Variants in MID1 observed in about 807,000 individuals in gnomAD.
MID1 encodes E3 ubiquitin-protein ligase Midline-1.
A neutral mutation model predicts 40.4 loss-of-function variants in MID1; 7 were observed. The observed-to-expected ratio is 0.17, with a 90% CI of 0.10 to 0.33. MID1 has a LOEUF of 0.33. MID1 is among the 10% of genes least tolerant of loss of function. The pLI, the probability that MID1 is intolerant of heterozygous loss-of-function variation, is 1.00. For missense variants in MID1, 367 were observed against 558.5 expected (o/e 0.66, Z 3.46); for synonymous variants, 229 against 221.2 (o/e 1.04, Z -0.31).
At chrX:10,641,255 A>G (rs1444609497) in intron 1 of MID1, among the ~76,000 whole-genome samples, 1 of 111,962 alleles carries the variant, frequency 8.9e-6, no homozygotes, top group African/African-American at 3.3e-5. Flanking sequence ...AAGATCAACA[A>G]AATTGATAGA....
intron 2 of MID1, 129 bp downstream of exon 2, chrX:10,566,759 C>T (rs1174523046): frequency 2.7e-6 from 2 of 735,219 alleles, no homozygotes; most frequent in East Asian, 6.7e-5. Flanking sequence ...CAAAAACATG[C>T]TAAAACTAAT....
At chrX:10,543,751 G>A (rs944018911) in intron 2 of MID1, among the ~76,000 whole-genome samples, 2 of 111,259 alleles carry the variant, frequency 1.8e-5, no homozygotes, top group Admixed American at 9.6e-5. Context: ...GCTGAAGCAG[G>A]AGAATCACTG....
chrX:10,570,667 T>C (rs112279596), intron 1 of MID1, among the ~76,000 whole-genome samples: 3 of 112,782 alleles, frequency 2.7e-5, no homozygotes, highest in South Asian at 3.7e-4. Context: ...ACTTTTTCTA[T>C]AAAGGGTAAA....
At chrX:10,820,960 A>G (rs934023283) in intron 1 of MID1, among the ~76,000 whole-genome samples, 13 of 112,316 alleles carry the variant, frequency 1.2e-4, no homozygotes, top group Non-Finnish European at 1.9e-5. Flanking sequence ...ATAAGTTATT[A>G]TGAGCAAAAT....
intron 1 of MID1, among the ~76,000 whole-genome samples, chrX:10,789,421 G>C (rs1425170045): frequency 8.9e-6 from 1 of 112,080 alleles, no homozygotes; most frequent in Non-Finnish European, 1.9e-5. Context: ...GATTACAATA[G>C]AGCTGCCCTT....
intron 1 of MID1, among the ~76,000 whole-genome samples, chrX:10,617,061 A>G (rs2147541078): frequency 8.9e-6 from 1 of 112,475 alleles, no homozygotes; most frequent in East Asian, 2.8e-4. Flanking sequence ...CTTGCCAGTT[A>G]CAGAATGATA....
chrX:10,832,788 A>C (rs1306357076), intron 1 of MID1, among the ~76,000 whole-genome samples: 1 of 112,123 alleles, frequency 8.9e-6, no homozygotes, highest in African/African-American at 3.2e-5. Flanking sequence ...CCCAAGTATA[A>C]TTAAAATTTC....
chrX:10,693,941 A>C, intron 1 of MID1, among the ~76,000 whole-genome samples: 1 of 112,233 alleles, frequency 8.9e-6, no homozygotes, highest in Non-Finnish European at 1.9e-5. Context: ...GCAAAACCTA[A>C]CCTCTTCTAT....
chrX:10,734,846 T>A (rs1450507831), intron 1 of MID1, among the ~76,000 whole-genome samples: 1 of 111,941 alleles, frequency 8.9e-6, no homozygotes, highest in East Asian at 2.8e-4. Context: ...CTCATAAAAT[T>A]GTGCACTTAG....
At chrX:10,662,559 C>T (rs2042922256) in intron 1 of MID1, among the ~76,000 whole-genome samples, 1 of 111,093 alleles carries the variant, frequency 9.0e-6, no homozygotes, top group African/African-American at 3.3e-5. Flanking sequence ...TGCGTGTGTA[C>T]TCATACAATG....
chrX:10,661,184 T>C (rs748698112), intron 1 of MID1, among the ~76,000 whole-genome samples: 1 of 112,081 alleles, frequency 8.9e-6, no homozygotes, highest in South Asian at 3.8e-4. Flanking sequence ...TTGACAATAC[T>C]GTGTCAAAGT....
At chrX:10,716,036 C>T (rs1376360721) in intron 1 of MID1, among the ~76,000 whole-genome samples, 3 of 111,457 alleles carry the variant, frequency 2.7e-5, no homozygotes, top group African/African-American at 9.8e-5. Context: ...ACACCAAAAC[C>T]CCATCTGTAC....
intron 1 of MID1, among the ~76,000 whole-genome samples, chrX:10,643,898 C>G (rs1403507140): frequency 1.8e-5 from 2 of 111,192 alleles, no homozygotes; most frequent in Non-Finnish European, 3.8e-5. Context: ...AGCAAACTAT[C>G]ACAAGGACAG....
At chrX:10,533,377 A>AGAAAGAAAGAAAG (rs1569089783) in intron 2 of MID1, among the ~76,000 whole-genome samples, 34 of 58,640 alleles carry the variant, frequency 5.8e-4, no homozygotes, top group African/African-American at 2.4e-3. Context: ...AGAAAGAAAG[A>AGAAAGAAAGAAAG]AAAAGAAAGA....
upstream of MID1, among the ~76,000 whole-genome samples, chrX:10,622,775 C>T (rs1322672527): frequency 9.0e-6 from 1 of 111,572 alleles, no homozygotes; most frequent in Non-Finnish European, 1.9e-5. Flanking sequence ...TGAACTAACA[C>T]AGTGCCATAA....
chrX:10,639,379 G>A (rs1026440174), intron 1 of MID1, among the ~76,000 whole-genome samples: 1 of 111,910 alleles, frequency 8.9e-6, no homozygotes, highest in Non-Finnish European at 1.9e-5. Flanking sequence ...ACAAGCTTCA[G>A]TAGCCAATTT....
chrX:10,713,381 T>G (rs775737173), intron 1 of MID1, among the ~76,000 whole-genome samples: 1 of 108,594 alleles, frequency 9.2e-6, no homozygotes, highest in Non-Finnish European at 1.9e-5. Context: ...TAGAGTGCAG[T>G]GGCACCATCA....
intron 1 of MID1, among the ~76,000 whole-genome samples, chrX:10,735,955 G>C (rs758585005): frequency 9.0e-6 from 1 of 111,451 alleles, no homozygotes. Flanking sequence ...TAATTTTGAA[G>C]GTACATTGTC....
intron 1 of MID1, among the ~76,000 whole-genome samples, chrX:10,823,240 C>G (rs1438780701): frequency 9.0e-6 from 1 of 111,532 alleles, no homozygotes; most frequent in Non-Finnish European, 1.9e-5. Context: ...CCAAACACTG[C>G]ATGTTCTCGC....
Sources: allele counts gnomAD v4.1 joint callset (sites outside exome capture counted in the v4.1 genomes callset), GRCh38; gene constraint gnomAD v4.1.1; transcripts MANE v1.5; gene names NCBI Gene and HGNC (gene_info 2026-07-23, HGNC 2026-07-21).